MAST2: variants seen among roughly 807,000 people sequenced by gnomAD.
MAST2 encodes microtubule associated serine/threonine kinase 2.
Under a neutral mutation model 147.4 loss-of-function variants are expected in MAST2, and 70 were observed. The ratio of observed to expected loss-of-function variants is 0.47; its 90% CI spans 0.39 to 0.58. MAST2 has a LOEUF of 0.58. Among genes scored for constraint, MAST2 ranks in the 20% least tolerant of loss-of-function variants. The probability of loss-of-function intolerance (pLI) is 0.00; values close to 1 mark genes in which losing one functional copy is unlikely to be tolerated. For synonymous variants in MAST2, 869 were observed against 896.8 expected (o/e 0.97, Z 0.55); for missense variants, 2,080 against 2,302.3 (o/e 0.90, Z 1.98).
At chr1:46,003,144 T>G (rs370931546) in intron 7 of MAST2, among the ~76,000 whole-genome samples, 1 of 152,164 alleles carries the variant, frequency 6.6e-6, no homozygotes, top group South Asian at 2.1e-4. Context: ...AGCTTGAGGA[T>G]GAACTTTTGC....
In MAST2 at chr1:46,029,887, C is replaced by G. The variant is rs1189343263; in HGVS notation, c.2377C>G (p.Leu793Val). The G allele has an allele frequency of 6.2e-7, 1 of 1,614,104 alleles. No homozygotes were observed. Among genetic ancestry groups the G allele is most frequent in the African/African-American group, 1.3e-5 (1 of 74,950 alleles). ...PFFTGLDWTGLLRQKAEFIPQ... is the reference protein window; with the variant it reads ...PFFTGLDWTGVLRQKAEFIPQ... ...CTTTACTGGTCTGGACTGGACAGGA[C>G]TTCTCCGCCAGAAGGCTGAATTTAT... The change falls in exon 20 of 29, where the codon CTT (leucine) becomes GTT (valine). Residue 793 changes from leucine to valine, a missense_variant. Around this residue, in one of 4 missense-constraint regions of MAST2, gnomAD observed 1,278 missense variants for 1,304.2 expected, o/e 0.98. Coordinates refer to ENST00000361297, the MANE Select transcript of MAST2 (RefSeq NM_015112.3).
chr1:45,849,441 G>A (rs1379682219), intron 3 of MAST2, among the ~76,000 whole-genome samples: 1 of 151,920 alleles, frequency 6.6e-6, no homozygotes, highest in African/African-American at 2.4e-5. Flanking sequence ...ATGACCATGT[G>A]ATCTGTGACA....
intron 4 of MAST2, among the ~76,000 whole-genome samples, chr1:45,954,028 ATTC>A (rs1227940593): frequency 6.6e-6 from 1 of 152,128 alleles, no homozygotes; most frequent in East Asian, 1.9e-4. Flanking sequence ...CCAGCTCCAC[ATTC>A]TTCTTTATAT....
chr1:45,966,158 G>A (rs546318893), intron 5 of MAST2, among the ~76,000 whole-genome samples: 3 of 152,064 alleles, frequency 2.0e-5, no homozygotes, highest in Non-Finnish European at 4.4e-5. Context: ...TTAGTAATAC[G>A]TACTGAAGTT....
chr1:45,810,217 A>G (rs1292029320), intron 1 of MAST2, among the ~76,000 whole-genome samples: 1 of 152,232 alleles, frequency 6.6e-6, no homozygotes, highest in East Asian at 1.9e-4. Context: ...AGACAAAGGA[A>G]ATAGAATATT....
At chr1:46,027,466 A>G (rs1470160177) in intron 16 of MAST2, among the ~76,000 whole-genome samples, 2 of 152,170 alleles carry the variant, frequency 1.3e-5, no homozygotes, top group Non-Finnish European at 2.9e-5. Flanking sequence ...CCTGCCCCCA[A>G]CATAGAATAC....
chr1:45,833,269 A>G (rs1645011191), intron 3 of MAST2, among the ~76,000 whole-genome samples: 1 of 152,196 alleles, frequency 6.6e-6, no homozygotes, highest in East Asian at 1.9e-4. Context: ...CCATATATGT[A>G]GAAATCATGA....
rs1182102843 is a variant in MAST2, at chr1:45,865,539, T to A, written c.469-16825T>A. Among the ~76,000 whole-genome samples, 6 of 152,094 alleles carry A rather than the reference T, an allele frequency of 3.9e-5. No homozygotes were observed. In the East Asian group the frequency reaches 1.2e-3, roughly 29 times the overall value. On this transcript the variant is annotated intron_variant, in intron 3 of 28. Coordinates refer to ENST00000361297, the MANE Select transcript of MAST2 (RefSeq NM_015112.3). ...AGTATATGCTTGATTCTATGCATAGTTTTAAGAACTTTTCTAAATTATCAC... is the reference window on the plus strand; with the variant it reads ...AGTATATGCTTGATTCTATGCATAGATTTAAGAACTTTTCTAAATTATCAC...
chr1:46,022,100 T>C lies in MAST2; in HGVS notation c.1423+18T>C. On this transcript the variant is annotated intron_variant, in intron 12 of 28. Coordinates refer to ENST00000361297, the MANE Select transcript of MAST2 (RefSeq NM_015112.3). Reference sequence around the variant, plus strand: ...CCTAGAAGGTGAGCATGCTGCCTAGTGGCTGCAAAGAGGCCCCACTGCTGC... The same window carrying C: ...CCTAGAAGGTGAGCATGCTGCCTAGCGGCTGCAAAGAGGCCCCACTGCTGC... 6.2e-7 allele frequency: 1 copy of C among 1,613,482 alleles called. No individual in the cohort carries two copies. The highest frequency in any genetic ancestry group is 1.3e-5 in the African/African-American group (1 of 75,026).
In MAST2 at chr1:45,835,972, G is replaced by C. The variant is rs1281115218; in HGVS notation, c.468+6391G>C. On this transcript the variant is annotated intron_variant, in intron 3 of 28. Coordinates refer to ENST00000361297, the MANE Select transcript of MAST2 (RefSeq NM_015112.3). ...TTTTATGGCTGAATAAGATTCTGTTGTATGGGTAAACCACACTTTTATCCG... is the reference window on the plus strand; with the variant it reads ...TTTTATGGCTGAATAAGATTCTGTTCTATGGGTAAACCACACTTTTATCCG... 2.6e-5 allele frequency among the ~76,000 whole-genome samples: 4 copies of C among 152,130 alleles called. No homozygotes were observed. In the East Asian group the frequency reaches 7.7e-4, roughly 29 times the overall value.
chr1:45,987,561 C>T (rs1227923512), intron 5 of MAST2, among the ~76,000 whole-genome samples: 2 of 152,034 alleles, frequency 1.3e-5, no homozygotes, highest in Non-Finnish European at 2.9e-5. Context: ...ATCCTCTTGC[C>T]TTGGCTTCCC....
intron 4 of MAST2, among the ~76,000 whole-genome samples, chr1:45,917,851 C>A (rs1652821527): frequency 6.6e-6 from 1 of 152,154 alleles, no homozygotes; most frequent in South Asian, 2.1e-4. Context: ...TAAAAAAGTT[C>A]AAACCTCACA....
intron 1 of MAST2, among the ~76,000 whole-genome samples, chr1:45,821,691 G>A (rs1355909467): frequency 1.3e-5 from 2 of 150,694 alleles, no homozygotes; most frequent in African/African-American, 2.4e-5. Context: ...GCTGATTTTT[G>A]TATTTTTATT....
chr1:45,981,563 G>A (rs1445079677), intron 5 of MAST2, among the ~76,000 whole-genome samples: 1 of 152,188 alleles, frequency 6.6e-6, no homozygotes, highest in Non-Finnish European at 1.5e-5. Context: ...TACCGAAGTG[G>A]TCTGGTCCCC....
At chr1:45,853,752 T>C (rs1233388018) in intron 3 of MAST2, among the ~76,000 whole-genome samples, 1 of 152,042 alleles carries the variant, frequency 6.6e-6, no homozygotes, top group Non-Finnish European at 1.5e-5. Context: ...GGTTGAAAAA[T>C]GTCTTTAATT....
rs10595888 is a variant in MAST2 at position 45,911,853 on chromosome 1, A to ATATTATTATTATTATTAT, written c.500+29489_500+29506dup. Among the ~76,000 whole-genome samples, 3 of 135,798 alleles carry ATATTATTATTATTATTAT rather than the reference A, an allele frequency of 2.2e-5. No homozygotes were observed. The Admixed American group carries it at 2.3e-4, about 10-fold the overall frequency. 89.1% of individuals were successfully genotyped at this position (135,798 alleles called of 152,430 possible). The stretch of plus-strand genomic sequence containing the variant: ...CTGTTATGTCATTATTATTATTGTT[A>ATATTATTATTATTATTAT]TATTATTATTATTATTATTATTATT... On this transcript the variant is annotated intron_variant, in intron 4 of 28. Transcript: ENST00000361297.
intron 10 of MAST2, among the ~76,000 whole-genome samples, chr1:46,012,369 G>A (rs61785615): frequency 0.018 from 2,710 of 152,344 alleles, 33 homozygotes; most frequent in Middle Eastern, 0.027. Flanking sequence ...AATAGGAAGA[G>A]CACTGAATTT....
intron 3 of MAST2, chr1:45,864,993 A>G (rs1363803440): frequency 2.5e-6 from 1 of 398,378 alleles, no homozygotes; most frequent in Admixed American, 3.2e-5. Context: ...TTAGTGGAAC[A>G]GTGGGTTAGT....
intron 3 of MAST2, among the ~76,000 whole-genome samples, chr1:45,838,250 C>T (rs1489136698): frequency 1.3e-3 from 168 of 127,396 alleles, no homozygotes; most frequent in Non-Finnish European, 2.1e-3. Context: ...GATGGAGTCT[C>T]GGTCTGTTGC....
Sources: allele counts gnomAD v4.1 joint callset (sites outside exome capture counted in the v4.1 genomes callset), GRCh38; gene constraint gnomAD v4.1.1; regional missense constraint gnomAD v4.1.1; transcripts MANE v1.5; gene names NCBI Gene and HGNC (gene_info 2026-07-23, HGNC 2026-07-21).